The following ADAM32 variants were observed in gnomAD, a reference collection of about 807,000 sequenced individuals.
ADAM32 encodes disintegrin and metalloproteinase domain-containing protein 32.
Under a neutral mutation model 114.9 loss-of-function variants are expected in ADAM32, and 89 were observed. The observed-to-expected ratio is 0.77, with a 90% CI of 0.65 to 0.92. The LOEUF is 0.92. Among genes scored for constraint, ADAM32 ranks in the 40% least tolerant of loss-of-function variants. The pLI is 0.00. For synonymous variants in ADAM32, 285 were observed against 307.5 expected, an observed-to-expected ratio of 0.93 and a Z score of 0.77; for missense variants, 870 against 932.8, an observed-to-expected ratio of 0.93 and a Z score of 0.88.
intron 2 of ADAM32, chr8:39,131,965 C>A: frequency 3.3e-6 from 1 of 304,504 alleles, no homozygotes; most frequent in Non-Finnish European, 6.8e-6. Context: ...ACGATCTCGG[C>A]TCACCTCAAT....
At chr8:39,127,194 AGG>A (rs905467456) in intron 2 of ADAM32, among the ~76,000 whole-genome samples, 2 of 152,208 alleles carry the variant, frequency 1.3e-5, no homozygotes, top group Non-Finnish European at 2.9e-5. Flanking sequence ...AAAATGAGTT[AGG>A]GAGGAGTCCC....
intron 19 of ADAM32, among the ~76,000 whole-genome samples, chr8:39,264,469 G>T (rs1812230919): frequency 1.3e-5 from 2 of 152,014 alleles, no homozygotes; most frequent in South Asian, 4.1e-4. Flanking sequence ...CTAGCTAGTG[G>T]TCTATCAATC....
chr8:39,215,698 A>G (rs1808508650), intron 12 of ADAM32, among the ~76,000 whole-genome samples: 1 of 152,048 alleles, frequency 6.6e-6, no homozygotes, highest in Non-Finnish European at 1.5e-5. Flanking sequence ...AATAGTTTTC[A>G]AAATTCCTCT....
chr8:39,268,664 T>C (rs182654210), intron 19 of ADAM32, among the ~76,000 whole-genome samples: 11 of 152,194 alleles, frequency 7.2e-5, no homozygotes, highest in African/African-American at 2.7e-4. Context: ...AAGAAATAAT[T>C]GCCTAACCCA....
chr8:39,150,491 AC>A (rs1257876041), intron 5 of ADAM32, among the ~76,000 whole-genome samples: 3 of 152,154 alleles, frequency 2.0e-5, no homozygotes, highest in Admixed American at 2.0e-4. Flanking sequence ...TTATATAAAA[AC>A]AAATAATTTT....
At chr8:39,191,698 C>CT (rs1432270218) in intron 11 of ADAM32, among the ~76,000 whole-genome samples, 1 of 152,008 alleles carries the variant, frequency 6.6e-6, no homozygotes, top group Non-Finnish European at 1.5e-5. Flanking sequence ...GTTCTGTAAG[C>CT]TGTTTGTTTA....
At chr8:39,220,053 G>T (rs982828562) in intron 12 of ADAM32, among the ~76,000 whole-genome samples, 1 of 152,152 alleles carries the variant, frequency 6.6e-6, no homozygotes, top group Non-Finnish European at 1.5e-5. Flanking sequence ...GGGTATTAAA[G>T]TTCTCCACTA....
At chr8:39,180,150 C>T (rs966915182) in intron 10 of ADAM32, among the ~76,000 whole-genome samples, 7 of 152,182 alleles carry the variant, frequency 4.6e-5, no homozygotes, top group South Asian at 4.1e-4. Flanking sequence ...CTGCGCGCAG[C>T]GCTTGCGGGC....
chr8:39,208,656 C>T (rs970474138), intron 11 of ADAM32, among the ~76,000 whole-genome samples: 1 of 152,058 alleles, frequency 6.6e-6, no homozygotes, highest in African/African-American at 2.4e-5. Flanking sequence ...GATAGTTTTC[C>T]TGGGTACAAT....
intron 1 of ADAM32, among the ~76,000 whole-genome samples, chr8:39,114,135 T>C (rs2129444129): frequency 6.6e-6 from 1 of 152,358 alleles, no homozygotes; most frequent in Admixed American, 6.5e-5. Flanking sequence ...CCTTGATCTA[T>C]ATAAGTCCCT....
chr8:39,136,296 A>T (rs1039896629), intron 2 of ADAM32, among the ~76,000 whole-genome samples: 1 of 152,174 alleles, frequency 6.6e-6, no homozygotes, highest in Admixed American at 6.5e-5. Flanking sequence ...TTTATGGTGG[A>T]CAGAGTAAGC....
At position 39,121,320 on chromosome 8, in the gene ADAM32, C is replaced by T. The variant is rs12674559; in HGVS notation, c.138+3155C>T. Among the ~76,000 whole-genome samples, 239 of 152,200 alleles carry T rather than the reference C, an allele frequency of 1.6e-3. 1 individual carries two copies. In the East Asian group the frequency reaches 0.024, roughly 15 times the overall value. On this transcript the variant is annotated intron_variant, in intron 2 of 24. Transcript: ENST00000379907. ...ACTTCTGGGATTCTACAGGATAGGA[C>T]GATAGAGTTGTCTGGCTTCAAACAT...
In ADAM32 at chr8:39,208,374, T is replaced by C. The variant is rs537782298; in HGVS notation, c.1053-2770T>C. ...TTCACATATTTTTATATTACCTATC[T>C]CTTAAAAATTGTTGTAGTTATTGTT... On this transcript the variant is annotated intron_variant, in intron 11 of 24. Coordinates refer to ENST00000379907, the MANE Select transcript of ADAM32 (RefSeq NM_145004.7). Among the ~76,000 whole-genome samples the C allele has an allele frequency of 7.9e-5, 12 of 152,286 alleles. No homozygotes were observed. The South Asian group carries it at 2.3e-3, about 29-fold the overall frequency.
intron 19 of ADAM32, among the ~76,000 whole-genome samples, chr8:39,265,755 G>A (rs564835312): frequency 2.6e-5 from 4 of 152,280 alleles, no homozygotes; most frequent in African/African-American, 9.6e-5. Flanking sequence ...GCTTAATAGT[G>A]TTGGGGGGCT....
At chr8:39,278,700 C>T (rs6994939) in intron 22 of ADAM32, among the ~76,000 whole-genome samples, 65,961 of 151,302 alleles carry the variant, frequency 0.44, 14,651 homozygotes, top group African/African-American at 0.52. Flanking sequence ...CTGCTAAGAG[C>T]TTAAAACGTA....
At chr8:39,160,183 T>C (rs749769808) in intron 6 of ADAM32, among the ~76,000 whole-genome samples, 5 of 152,086 alleles carry the variant, frequency 3.3e-5, no homozygotes, top group Non-Finnish European at 5.9e-5. Context: ...CCAGCCCAGA[T>C]TGAGAGAGAG....
chr8:39,265,476 G>A (rs1330199123), intron 19 of ADAM32, among the ~76,000 whole-genome samples: 1 of 152,070 alleles, frequency 6.6e-6, no homozygotes, highest in Non-Finnish European at 1.5e-5. Flanking sequence ...TTTAAGTGGG[G>A]CATTTATCCC....
intron 11 of ADAM32, among the ~76,000 whole-genome samples, chr8:39,191,613 A>G (rs1003957367): frequency 1.3e-5 from 2 of 151,886 alleles, no homozygotes; most frequent in African/African-American, 2.4e-5. Flanking sequence ...TTTTTCTTGT[A>G]AATTTGTTTA....
chr8:39,267,227 G>A (rs1363992657), intron 19 of ADAM32, among the ~76,000 whole-genome samples: 2 of 152,202 alleles, frequency 1.3e-5, no homozygotes, highest in African/African-American at 4.8e-5. Flanking sequence ...GAGAGAGGCT[G>A]TGCTGGTGGG....
Sources: allele counts gnomAD v4.1 joint callset (sites outside exome capture counted in the v4.1 genomes callset), GRCh38; gene constraint gnomAD v4.1.1; transcripts MANE v1.5; gene names NCBI Gene and HGNC (gene_info 2026-07-23, HGNC 2026-07-21).